ADAT1: variants seen among roughly 807,000 people sequenced by gnomAD.
ADAT1 encodes tRNA-specific adenosine deaminase 1.
ADAT1 carries 58 observed loss-of-function variants against 58.6 expected under a neutral mutation model. That is an observed-to-expected ratio of 0.99 (90% CI 0.80 to 1.23). The LOEUF (loss-of-function observed/expected upper bound fraction) is 1.23. ADAT1 is among the 50% of genes most tolerant of loss of function. ADAT1 has a pLI of 0.00. For synonymous variants in ADAT1, 254 were observed against 220.8 expected, an observed-to-expected ratio of 1.15 and a Z score of -1.33; for missense variants, 741 against 608.6, an observed-to-expected ratio of 1.22 and a Z score of -2.29.
In ADAT1 at chr16:75,599,527, T is replaced by C. The variant is rs1407549700; in HGVS notation, c.*689A>G. On this transcript the variant is annotated 3_prime_UTR_variant, in exon 10 of 10. Coordinates refer to ENST00000564657, the MANE Select transcript of ADAT1 (RefSeq NM_001324445.2). Reference sequence around the variant, plus strand: ...CTAGATCTTTGATTCTCTTGGCTGTTTCCTTTGTTGCCTTCATTCTTTGCT... The same window carrying C: ...CTAGATCTTTGATTCTCTTGGCTGTCTCCTTTGTTGCCTTCATTCTTTGCT... The C allele has an allele frequency of 2.0e-6, 2 of 985,788 alleles. No homozygotes were observed. The highest frequency in any genetic ancestry group is 3.5e-5 in the African/African-American group (2 of 57,240). The allele number at this position is 985,788 out of a possible 1,614,324, so 61.1% of individuals were successfully genotyped here.
At position 75,599,206 on chromosome 16, in the gene ADAT1, C is replaced by T. The variant is rs535113606; in HGVS notation, c.*1010G>A. On this transcript the variant is annotated 3_prime_UTR_variant, in exon 10 of 10. Transcript: ENST00000564657. ...AAGCAATTCTCCTGCCTCAGCCTCCCGAGTAGCTAGGATTACAGGTGTGCG... is the reference window on the plus strand; with the variant it reads ...AAGCAATTCTCCTGCCTCAGCCTCCTGAGTAGCTAGGATTACAGGTGTGCG... 369 of 879,504 alleles carry T rather than the reference C, an allele frequency of 4.2e-4. No homozygotes were observed. The African/African-American group carries it at 5.1e-3, about 12-fold the overall frequency. 54.5% of individuals were successfully genotyped at this position (879,504 alleles called of 1,614,324 possible).
At chr16:75,611,222 G>T (rs1042928683) in intron 6 of ADAT1, among the ~76,000 whole-genome samples, 1 of 151,822 alleles carries the variant, frequency 6.6e-6, no homozygotes. Context: ...TAAAAACAAA[G>T]AAGAAAAAAA....
intron 7 of ADAT1, 102 bp from the exon 8 acceptor site, chr16:75,608,425 G>T: frequency 1.0e-6 from 1 of 984,888 alleles, no homozygotes; most frequent in Non-Finnish European, 1.6e-6. Flanking sequence ...ACCCATGAGA[G>T]CTGGATATGA....
At chr16:75,600,469 C>T in intron 9 of ADAT1, 121 bp from the exon 10 acceptor site, 2 of 1,449,640 alleles carry the variant, frequency 1.4e-6, no homozygotes, top group South Asian at 2.8e-5. Flanking sequence ...AGAAGGAGTT[C>T]AGTATGCTTT....
At chr16:75,608,695 T>G (rs2081434346) in intron 7 of ADAT1, 148 bp downstream of exon 7, 3 of 932,968 alleles carry the variant, frequency 3.2e-6, no homozygotes, top group Non-Finnish European at 4.7e-6. Flanking sequence ...AGCATAAACG[T>G]GACCCACTAT....
At chr16:75,614,334 C>T (rs1315232837) in intron 5 of ADAT1, among the ~76,000 whole-genome samples, 2 of 152,254 alleles carry the variant, frequency 1.3e-5, no homozygotes, top group African/African-American at 2.4e-5. Flanking sequence ...CCAGTGTTTC[C>T]TCTTGCTGGT....
intron 1 of ADAT1, among the ~76,000 whole-genome samples, chr16:75,621,980 T>A (rs148069867): frequency 0.013 from 1,980 of 152,238 alleles, 52 homozygotes; most frequent in African/African-American, 0.044. Flanking sequence ...AAACCCTGTC[T>A]CTACTGAAAA....
intron 8 of ADAT1, among the ~76,000 whole-genome samples, chr16:75,605,624 G>A (rs1226136884): frequency 6.6e-6 from 1 of 151,942 alleles, no homozygotes; most frequent in Non-Finnish European, 1.5e-5. Context: ...ATTTGTATAT[G>A]ATGATCTACA....
chr16:75,602,956 C>A, intron 9 of ADAT1, 129 bp downstream of exon 9: 1 of 765,756 alleles, frequency 1.3e-6, no homozygotes, highest in Non-Finnish European at 2.2e-6. Context: ...GAAAGAAGAA[C>A]TTGTGGTCAA....
rs762552125 is a variant in ADAT1, at chr16:75,608,209, C to G, written c.1289+15G>C. On this transcript the variant is annotated intron_variant, in intron 8 of 9. Coordinates refer to ENST00000564657, the MANE Select transcript of ADAT1 (RefSeq NM_001324445.2). ...GTTCACAGCCACCATCTCCTCCTGC[C>G]CCAATATGCTGTACCTTGCCTGAAG... 1 of 1,609,638 alleles carries G rather than the reference C, an allele frequency of 6.2e-7. No individual in the cohort carries two copies.
intron 9 of ADAT1, among the ~76,000 whole-genome samples, chr16:75,600,987 G>T (rs1397454739): frequency 1.3e-5 from 2 of 152,160 alleles, no homozygotes; most frequent in Admixed American, 1.3e-4. Flanking sequence ...CAGAATTCTA[G>T]GTTTCTATGG....
intron 6 of ADAT1, among the ~76,000 whole-genome samples, chr16:75,609,218 C>A (rs950322530): frequency 6.6e-6 from 1 of 152,192 alleles, no homozygotes; most frequent in African/African-American, 2.4e-5. Context: ...CAACACCCTT[C>A]AGGGATGTAA....
chr16:75,617,377 CTGG>C, intron 4 of ADAT1, 105 bp from the exon 5 acceptor site: 2 of 1,267,866 alleles, frequency 1.6e-6, no homozygotes, highest in Non-Finnish European at 2.2e-6. Context: ...ACTAATGGGA[CTGG>C]TAGTGATGGG....
intron 8 of ADAT1, among the ~76,000 whole-genome samples, chr16:75,607,080 A>C (rs901574246): frequency 3.3e-5 from 5 of 151,914 alleles, no homozygotes; most frequent in Non-Finnish European, 5.9e-5. Context: ...GCAAAAAAAA[A>C]TTAGCTGGGC....
chr16:75,601,201 G>A (rs960322855), intron 9 of ADAT1, among the ~76,000 whole-genome samples: 11 of 151,914 alleles, frequency 7.2e-5, no homozygotes, highest in Admixed American at 2.0e-4. Flanking sequence ...TTAGCCGGGC[G>A]TGGTGGCAGG....
At chr16:75,604,619 G>C (rs377532544) in intron 8 of ADAT1, among the ~76,000 whole-genome samples, 1 of 150,674 alleles carries the variant, frequency 6.6e-6, no homozygotes, top group African/African-American at 2.4e-5. Flanking sequence ...ACTAGGACTC[G>C]GGAAGAGTAC....
rs768314305 is a variant in ADAT1, at chr16:75,612,260, C to G, written c.1026G>C (p.Gln342His). ...CCTCTCACCTTCCAATCAGTGCTCT[C>G]TGCATGGCTTCCTGGCTGTATGGGC... The part of the protein sequence containing the change: ...GKCPYSQEAM[Q>H]RALIGRCQNV... Residue 342 changes from glutamine (Q) to histidine (H), a missense_variant, in exon 6 of 10, where the codon CAG becomes CAC. Physicochemically the swap from Gln to His is conservative, Grantham distance 24 (BLOSUM62 0). Coordinates refer to ENST00000564657, the MANE Select transcript of ADAT1 (RefSeq NM_001324445.2). 2 of 1,614,110 alleles carry G rather than the reference C, an allele frequency of 1.2e-6. No individual in the cohort carries two copies. The highest frequency in any genetic ancestry group is 1.7e-5 in the Admixed American group (1 of 60,032).
chr16:75,606,948 C>T (rs1477925447), intron 8 of ADAT1, among the ~76,000 whole-genome samples: 1 of 152,136 alleles, frequency 6.6e-6, no homozygotes, highest in Non-Finnish European at 1.5e-5. Flanking sequence ...CAGTTATAGG[C>T]AGCACATGGT....
intron 4 of ADAT1, 64 bp from the exon 5 acceptor site, chr16:75,617,336 G>A: frequency 1.9e-6 from 3 of 1,566,684 alleles, no homozygotes; most frequent in East Asian, 2.3e-5. Flanking sequence ...AAAGCCTCTG[G>A]TTGGGTGATT....
Sources: allele counts gnomAD v4.1 joint callset (sites outside exome capture counted in the v4.1 genomes callset), GRCh38; gene constraint gnomAD v4.1.1; transcripts MANE v1.5; gene names NCBI Gene and HGNC (gene_info 2026-07-23, HGNC 2026-07-21).